Variants in UBE2Z observed in about 807,000 individuals in gnomAD.
The protein encoded by UBE2Z is ubiquitin-conjugating enzyme E2 Z.
UBE2Z carries 10 observed loss-of-function variants against 32.6 expected under a neutral mutation model. The ratio of observed to expected loss-of-function variants is 0.31; its 90% CI spans 0.19 to 0.52. The LOEUF (loss-of-function observed/expected upper bound fraction) is 0.52, where lower values mean the gene tolerates loss of function less well. Ranked by LOEUF, UBE2Z falls within the 20% of genes least tolerant of loss-of-function variation. The pLI, the probability that UBE2Z is intolerant of heterozygous loss-of-function variation, is 0.97. For missense variants in UBE2Z, 343 were observed against 480.9 expected (o/e 0.71, Z 2.68); for synonymous variants, 183 against 190.8 (o/e 0.96, Z 0.34).
chr17:48,912,665 C>G, intron 2 of UBE2Z, 169 bp from the exon 3 acceptor site: 1 of 654,348 alleles, frequency 1.5e-6, no homozygotes, highest in Non-Finnish European at 2.6e-6. Flanking sequence ...TCCAAACCTA[C>G]GTATTAGTAT....
intron 6 of UBE2Z, 56 bp downstream of exon 6, chr17:48,922,993 C>T: frequency 6.7e-7 from 1 of 1,487,168 alleles, no homozygotes. Flanking sequence ...ATGTAAAAGC[C>T]CCCCACAAGC....
intron 6 of UBE2Z, 111 bp downstream of exon 6, chr17:48,923,048 T>A (rs111271286): frequency 3.0e-6 from 3 of 986,038 alleles, no homozygotes; most frequent in East Asian, 2.9e-5. Flanking sequence ...AAGCCTGGGT[T>A]CAGTGGCTCA....
chr17:48,912,598 C>CT, intron 2 of UBE2Z: 1 of 481,236 alleles, frequency 2.1e-6, no homozygotes, highest in Middle Eastern at 5.7e-4. Flanking sequence ...TGGGCTCTAA[C>CT]TTTAGAAGTA....
At position 48,921,273 on chromosome 17, in the gene UBE2Z, G is replaced by T; in HGVS notation, c.803+1G>T. On this transcript the variant is annotated splice_donor_variant, in intron 5 of 6. Transcript: ENST00000360943. LOFTEE classifies it high-confidence loss of function. ...AGTGTCCCTGTCCTGAACCCCTACG[G>T]TATGTGTCAAGCGGGCTTGCTTGGT... 1 of 1,608,342 alleles carries T rather than the reference G, an allele frequency of 6.2e-7. No individual in the cohort carries two copies. The highest frequency in any genetic ancestry group is 8.5e-7 in the Non-Finnish European group (1 of 1,177,218).
intron 2 of UBE2Z, 41 bp downstream of exon 2, chr17:48,910,921 G>C: frequency 6.5e-7 from 1 of 1,531,980 alleles, no homozygotes; most frequent in Non-Finnish European, 9.0e-7. Context: ...TTGGGAAATT[G>C]GGGGCCATAA....
At chr17:48,919,722 C>T (rs965430116) in intron 4 of UBE2Z, among the ~76,000 whole-genome samples, 4 of 151,766 alleles carry the variant, frequency 2.6e-5, no homozygotes, top group African/African-American at 9.7e-5. Flanking sequence ...AAGCGATCCG[C>T]CTGCATCGGC....
At chr17:48,916,008 G>A (rs4378658) in intron 3 of UBE2Z, 68 bp from the exon 4 acceptor site, 519,357 of 1,032,648 alleles carry the variant, frequency 0.5, 136,365 homozygotes, top group East Asian at 0.72. Flanking sequence ...TGGTGTTGCC[G>A]GGCCCCAGGG....
At position 48,928,529 on chromosome 17, in the gene UBE2Z, T is replaced by G. The variant is rs1433229944; in HGVS notation, c.*1395T>G. On this transcript the variant is annotated 3_prime_UTR_variant, in exon 7 of 7. Transcript: ENST00000360943. ...CATAAGGGAGAGGATAGTGTGTACCTGCCCTGCCCTCTGCTATGAAGGTCT... is the reference window on the plus strand; with the variant it reads ...CATAAGGGAGAGGATAGTGTGTACCGGCCCTGCCCTCTGCTATGAAGGTCT... 1 of 152,726 alleles carries G rather than the reference T, an allele frequency of 6.5e-6. No individual in the cohort carries two copies. Among genetic ancestry groups the G allele is most frequent in the Non-Finnish European group, 1.5e-5 (1 of 68,148 alleles). 9.5% of individuals were successfully genotyped at this position (152,726 alleles called of 1,614,324 possible).
intron 1 of UBE2Z, 40 bp downstream of exon 1, chr17:48,908,860 G>A: frequency 7.1e-7 from 1 of 1,403,766 alleles, no homozygotes; most frequent in Middle Eastern, 2.5e-4. Context: ...CGAGCTCCGG[G>A]GCTCGACCTT....
intron 4 of UBE2Z, among the ~76,000 whole-genome samples, chr17:48,920,581 G>A (rs1239946657): frequency 6.6e-6 from 1 of 152,008 alleles, no homozygotes; most frequent in Non-Finnish European, 1.5e-5. Flanking sequence ...GCTGAGGTGG[G>A]AGGATCGCTA....
intron 1 of UBE2Z, 59 bp downstream of exon 1, chr17:48,908,879 C>G (rs1432534207): frequency 1.8e-6 from 2 of 1,095,558 alleles, no homozygotes; most frequent in Non-Finnish European, 2.3e-6. Flanking sequence ...TTCCCCGCCC[C>G]CCACCCTCTC....
chr17:48,911,001 C>T (rs878875103), intron 2 of UBE2Z, 121 bp downstream of exon 2: 5 of 843,360 alleles, frequency 5.9e-6, no homozygotes, highest in Non-Finnish European at 1.0e-5. Context: ...ATCAAGACCC[C>T]AGGAGAGTAA....
intron 2 of UBE2Z, chr17:48,912,019 G>A (rs1199312013): frequency 6.6e-6 from 1 of 151,972 alleles, no homozygotes; most frequent in African/African-American, 2.4e-5. Flanking sequence ...TGGCTTGAGG[G>A]GGAAGAGAAT....
rs771352551 is a variant in UBE2Z, at chr17:48,910,853, T to G, written c.363T>G (p.Val121=). The change falls in exon 2 of 7, where the codon GTT becomes GTG. Residue 121 remains valine (V), a synonymous_variant. Transcript: ENST00000360943. The part of the protein sequence containing the change: ...IYKEPPPGMF[V]VPDTVDMTKI... The stretch of plus-strand genomic sequence containing the variant: ...AGGAGCCTCCTCCAGGAATGTTCGT[T>G]GTACCTGATACTGTTGACATGACTA... 9.9e-6 allele frequency: 16 copies of G among 1,613,640 alleles called. No homozygotes were observed. The South Asian group carries it at 1.5e-4, about 16-fold the overall frequency.
chr17:48,923,160 AAAT>A (rs1409925710), intron 6 of UBE2Z: 4 of 352,206 alleles, frequency 1.1e-5, no homozygotes, highest in African/African-American at 2.1e-5. Flanking sequence ...TCTCTACTAA[AAAT>A]ACAAAAAATT....
At chr17:48,923,616 C>T (rs1489890170) in intron 6 of UBE2Z, among the ~76,000 whole-genome samples, 1 of 90,292 alleles carries the variant, frequency 1.1e-5, no homozygotes, top group East Asian at 5.8e-4. Flanking sequence ...GAGCGAAACT[C>T]GGTCTCAAAA....
At chr17:48,926,631 G>T (rs549067780) in intron 6 of UBE2Z, among the ~76,000 whole-genome samples, 1 of 151,920 alleles carries the variant, frequency 6.6e-6, no homozygotes, top group Admixed American at 6.6e-5. Context: ...ACAGGCATGC[G>T]CCACGACACC....
At position 48,918,746 on chromosome 17, in the gene UBE2Z, CTTTT is replaced by C. The variant is rs71144542; in HGVS notation, c.691-2400_691-2397del. On this transcript the variant is annotated intron_variant, in intron 4 of 6. Coordinates refer to ENST00000360943, the MANE Select transcript of UBE2Z (RefSeq NM_023079.5). ...GCAGGAGCTGATTTTTAGGTCTTGT[CTTTT>C]TTTTTTTTTTTTTGGAGGCAGACTC... 2.9e-3 allele frequency among the ~76,000 whole-genome samples: 371 copies of C among 127,448 alleles called. 2 individuals carry two copies. Among genetic ancestry groups the C allele is most frequent in the African/African-American group, 0.01 (348 of 34,654 alleles). 83.6% of individuals were successfully genotyped at this position (127,448 alleles called of 152,430 possible). A position where few individuals can be genotyped will look rare whatever the true frequency, so the allele number is the denominator to read the frequency against.
rs1249518230 is a variant in UBE2Z, at chr17:48,927,688, TA to T, written c.*556del. 1.3e-5 allele frequency: 2 copies of T among 158,744 alleles called. No individual in the cohort carries two copies. Among genetic ancestry groups the T allele is most frequent in the Non-Finnish European group, 2.8e-5 (2 of 71,286 alleles). 9.8% of individuals were successfully genotyped at this position (158,744 alleles called of 1,614,324 possible). On this transcript the variant is annotated 3_prime_UTR_variant, in exon 7 of 7. Coordinates refer to ENST00000360943, the MANE Select transcript of UBE2Z (RefSeq NM_023079.5). ...CAGGCCAGCATAATTTTGTTTTTCC[TA>T]ATTTATAGTCACTGTTCTAGACAGA...
Sources: allele counts gnomAD v4.1 joint callset (sites outside exome capture counted in the v4.1 genomes callset), GRCh38; gene constraint gnomAD v4.1.1; transcripts MANE v1.5; gene names NCBI Gene and HGNC (gene_info 2026-07-23, HGNC 2026-07-21).